The following BMP8B variants were observed in gnomAD, a reference collection of about 807,000 sequenced individuals.
BMP8B encodes bone morphogenetic protein 8b.
Under a neutral mutation model 30.3 loss-of-function variants are expected in BMP8B, and 17 were observed. The ratio of observed to expected loss-of-function variants is 0.56; its 90% CI spans 0.38 to 0.84. BMP8B has a LOEUF of 0.84. Among genes scored for constraint, BMP8B ranks in the 40% least tolerant of loss-of-function variants. The pLI is 0.00. For synonymous variants in BMP8B, 131 were observed against 214.7 expected (o/e 0.61, Z 3.41); for missense variants, 253 against 494.6 (o/e 0.51, Z 4.63).
intron 1 of BMP8B, among the ~76,000 whole-genome samples, chr1:39,787,709 C>A (rs952439942): frequency 6.6e-6 from 1 of 152,142 alleles, no homozygotes; most frequent in Non-Finnish European, 1.5e-5. Flanking sequence ...ACTCAGGGCA[C>A]GCGACTCAGC....
In BMP8B at chr1:39,763,096, G is replaced by A; in HGVS notation, c.1055C>T (p.Ser352Phe). ...CAGGATGGGCATGGTACTGACCAGGGACTGCAGGATGGCGTGGTTGGTGGC... is the reference window on the plus strand; with the variant it reads ...CAGGATGGGCATGGTACTGACCAGGAACTGCAGGATGGCGTGGTTGGTGGC... ...MNATNHAILQ[S>F]LVHLMMPDAV... The change falls in exon 6 of 7, where the codon TCC (serine) becomes TTC (phenylalanine). Residue 352 changes from serine to phenylalanine, a missense_variant. By Grantham distance (155) the Ser-to-Phe change is radical. Around this residue, in one of 7 missense-constraint regions of BMP8B, gnomAD observed 116 missense variants for 142.3 expected, o/e 0.81. Coordinates refer to ENST00000372827, the MANE Select transcript of BMP8B (RefSeq NM_001720.5). 6.2e-7 allele frequency: 1 copy of A among 1,613,778 alleles called. No homozygotes were observed. The highest frequency in any genetic ancestry group is 8.5e-7 in the Non-Finnish European group (1 of 1,179,692).
chr1:39,758,227 G>A lies in BMP8B; in HGVS notation c.*2192C>T, dbSNP rs1412931936. The stretch of plus-strand genomic sequence containing the variant: ...AAGTAAATACTAGGATGGCAAACAG[G>A]TTCCATAATTTCATTTTGTTGAGAC... On this transcript the variant is annotated 3_prime_UTR_variant, in exon 7 of 7. Coordinates refer to ENST00000372827, the MANE Select transcript of BMP8B (RefSeq NM_001720.5). 1 of 152,296 alleles carries A rather than the reference G, an allele frequency of 6.6e-6. No individual in the cohort carries two copies. Among genetic ancestry groups the A allele is most frequent in the Middle Eastern group, 3.4e-3 (1 of 294 alleles). 9.4% of individuals were successfully genotyped at this position (152,296 alleles called of 1,614,324 possible).
intron 6 of BMP8B, chr1:39,762,422 A>C: frequency 7.0e-7 from 1 of 1,436,482 alleles, no homozygotes; most frequent in Non-Finnish European, 9.2e-7. Context: ...AAAGTTCTAG[A>C]AGGAAGCCTC....
chr1:39,788,341 G>C lies in BMP8B; in HGVS notation c.145C>G (p.Leu49Val). The change falls in exon 1 of 7, where the codon CTG (leucine) becomes GTG (valine). Residue 49 changes from leucine (L) to valine (V), a missense_variant. Transcript: ENST00000372827. The surrounding 1 kb of genome is among the most constrained non-coding windows in gnomAD (Gnocchi z 5.8). ...CGCCCAGGCAGCCCGAGCACCGCCA[G>C]GATCTCGCGCTGCACGTCCCGGCGC... ...RERRDVQREILAVLGLPGRPR... is the reference protein window; with the variant it reads ...RERRDVQREIVAVLGLPGRPR... The C allele has an allele frequency of 8.3e-7, 1 of 1,203,412 alleles. No homozygotes were observed. The highest frequency in any genetic ancestry group is 1.0e-6 in the Non-Finnish European group (1 of 973,788). 74.5% of individuals were successfully genotyped at this position (1,203,412 alleles called of 1,614,324 possible). A position where few individuals can be genotyped will look rare whatever the true frequency, so the allele number is the denominator to read the frequency against.
At chr1:39,786,593 G>A (rs186103856) in intron 1 of BMP8B, among the ~76,000 whole-genome samples, 169 of 152,310 alleles carry the variant, frequency 1.1e-3, no homozygotes, top group African/African-American at 3.6e-3. Flanking sequence ...GGGTGGTGAC[G>A]CATTCTGATG....
chr1:39,763,174 G>T lies in BMP8B; in HGVS notation c.977C>A (p.Ser326Ter), dbSNP rs147323607. ...GCACTCCCCCTCACAGTAATAGGCC[G>T]AGTAGCCTTGGGGAGCGATGACCCA... ...LDWVIAPQGY[S>*]AYYCEGECSF... The change falls in exon 6 of 7, where the codon TCG becomes TAG. Residue 326 changes from serine to a stop codon, truncating the protein, a stop_gained. Coordinates refer to ENST00000372827, the MANE Select transcript of BMP8B (RefSeq NM_001720.5). LOFTEE classifies it high-confidence loss of function. 3.3e-5 allele frequency: 53 copies of T among 1,613,652 alleles called. No individual in the cohort carries two copies. Among genetic ancestry groups the T allele is most frequent in the Non-Finnish European group, 4.3e-5 (51 of 1,179,898 alleles).
intron 1 of BMP8B, among the ~76,000 whole-genome samples, chr1:39,775,961 G>A (rs2636339): frequency 0.11 from 16,503 of 151,120 alleles, 24 homozygotes; most frequent in African/African-American, 0.21. Context: ...AGGGGACCTC[G>A]CATGCACAGG....
chr1:39,761,655 G>A (rs11811343), intron 6 of BMP8B, among the ~76,000 whole-genome samples: 5,403 of 152,154 alleles, frequency 0.036, 314 homozygotes, highest in African/African-American at 0.12. Context: ...CTCCCTGCTG[G>A]CCCTGAACCT....
chr1:39,758,802 A>T lies in BMP8B; in HGVS notation c.*1617T>A, dbSNP rs1309994192. 2 of 152,274 alleles carry T rather than the reference A, an allele frequency of 1.3e-5. No individual in the cohort carries two copies. Among genetic ancestry groups the T allele is most frequent in the Non-Finnish European group, 2.9e-5 (2 of 68,076 alleles). The allele number at this position is 152,274 out of a possible 1,614,324, so 9.4% of individuals were successfully genotyped here. On this transcript the variant is annotated 3_prime_UTR_variant, in exon 7 of 7. Coordinates refer to ENST00000372827, the MANE Select transcript of BMP8B (RefSeq NM_001720.5). ...CAGCCTGGGGCTGCCCTTTGCGTAC[A>T]TGGGAGGGTCTCTTCCTCTGCGCTT...
chr1:39,762,758 C>T lies in BMP8B; in HGVS notation c.1059+334G>A, dbSNP rs1649171770. The stretch of plus-strand genomic sequence containing the variant: ...GTGTGCTAAGATCACACAGCCCCCA[C>T]ACAGTGTACACATCTGTTTCATGTG... On this transcript the variant is annotated intron_variant, in intron 6 of 6. Transcript: ENST00000372827. 7 of 1,352,238 alleles carry T rather than the reference C, an allele frequency of 5.2e-6. No homozygotes were observed. The African/African-American group carries it at 8.9e-5, about 17-fold the overall frequency. The allele number at this position is 1,352,238 out of a possible 1,614,324, so 83.8% of individuals were successfully genotyped here.
chr1:39,771,228 C>T (rs1338661536), intron 3 of BMP8B: 7 of 1,528,684 alleles, frequency 4.6e-6, no homozygotes, highest in South Asian at 1.2e-5. Flanking sequence ...CGCCCGAGCA[C>T]TGACGCCAGG....
In BMP8B at chr1:39,788,643, G is replaced by T; in HGVS notation, c.-158C>A. 1 of 648,618 alleles carries T rather than the reference G, an allele frequency of 1.5e-6. No homozygotes were observed. The highest frequency in any genetic ancestry group is 1.4e-4 in the East Asian group (1 of 7,254). The allele number at this position is 648,618 out of a possible 1,614,324, so 40.2% of individuals were successfully genotyped here. On this transcript the variant is annotated 5_prime_UTR_variant, in exon 1 of 7. Transcript: ENST00000372827. The surrounding 1 kb of genome is among the most constrained non-coding windows in gnomAD (Gnocchi z 5.8). ...CGGGCGGCGACCGCGGCCTCAGCGC[G>T]GTCCCTGGAGCGCCCGCCGCGCGAC...
chr1:39,787,864 G>A (rs936728880), intron 1 of BMP8B, among the ~76,000 whole-genome samples: 1 of 152,248 alleles, frequency 6.6e-6, no homozygotes, highest in Admixed American at 6.5e-5. Context: ...GGCAGCCCAG[G>A]TGGGCAAAGA....
chr1:39,769,547 A>C (rs1649802541), intron 3 of BMP8B: 1 of 1,103,878 alleles, frequency 9.1e-7, no homozygotes, highest in Non-Finnish European at 1.2e-6. Context: ...GTTTTTAATT[A>C]AAGTCGCAGC....
intron 6 of BMP8B, chr1:39,762,683 TG>T: frequency 6.7e-7 from 1 of 1,493,184 alleles, no homozygotes; most frequent in South Asian, 1.3e-5. Context: ...CCCCACACAC[TG>T]TGCACACATA....
intron 6 of BMP8B, among the ~76,000 whole-genome samples, chr1:39,762,009 C>G (rs565495599): frequency 3.2e-4 from 49 of 152,332 alleles, no homozygotes; most frequent in African/African-American, 1.2e-3. Flanking sequence ...CCGCGTGCCT[C>G]CCACACATGC....
intron 3 of BMP8B, among the ~76,000 whole-genome samples, chr1:39,768,726 T>C (rs2124450663): frequency 6.7e-6 from 1 of 149,376 alleles, no homozygotes; most frequent in South Asian, 2.2e-4. Flanking sequence ...CTAGGCATGG[T>C]GGCACATGCC....
chr1:39,758,722 C>T lies in BMP8B; in HGVS notation c.*1697G>A, dbSNP rs1648553158. The T allele has an allele frequency of 2.0e-5, 3 of 152,402 alleles. No individual in the cohort carries two copies. Among genetic ancestry groups the T allele is most frequent in the Middle Eastern group, 6.8e-3 (2 of 294 alleles). 9.4% of individuals were successfully genotyped at this position (152,402 alleles called of 1,614,324 possible). ...GCCACCTACAAGGCAGGTCTCTTCACCTCCAGGCCAGAGCTGAGATCCCTG... is the reference window on the plus strand; with the variant it reads ...GCCACCTACAAGGCAGGTCTCTTCATCTCCAGGCCAGAGCTGAGATCCCTG... On this transcript the variant is annotated 3_prime_UTR_variant, in exon 7 of 7. Transcript: ENST00000372827.
chr1:39,762,813 G>GT (rs1263673195), intron 6 of BMP8B, among the ~76,000 whole-genome samples: 2 of 152,266 alleles, frequency 1.3e-5, no homozygotes, highest in African/African-American at 2.4e-5. Context: ...ACACAGGTGC[G>GT]TAAGTGTCCC....
Sources: allele counts gnomAD v4.1 joint callset (sites outside exome capture counted in the v4.1 genomes callset), GRCh38; gene constraint gnomAD v4.1.1; regional missense constraint gnomAD v4.1.1; non-coding constraint Gnocchi (gnomAD v3.1); transcripts MANE v1.5; gene names NCBI Gene and HGNC (gene_info 2026-07-23, HGNC 2026-07-21).